The following BMAL1 variants were observed in gnomAD, a reference collection of about 807,000 sequenced individuals.
BMAL1 encodes basic helix-loop-helix ARNT like 1, also known as basic helix-loop-helix ARNT-like protein 1.
chr11:13,311,166 T>C, the BMAL1 span, among the ~76,000 whole-genome samples: 1 of 152,216 alleles, frequency 6.6e-6, no homozygotes, highest in Non-Finnish European at 1.5e-5. Flanking sequence ...AAGATAACAG[T>C]GGTTCATCCA....
chr11:13,294,673 G>A, the BMAL1 span, among the ~76,000 whole-genome samples: 1 of 152,116 alleles, frequency 6.6e-6, no homozygotes, highest in Non-Finnish European at 1.5e-5. Flanking sequence ...CTTTCCTCCT[G>A]GAATCTGACT....
At chr11:13,315,186 GA>G in the BMAL1 span, among the ~76,000 whole-genome samples, 1 of 152,206 alleles carries the variant, frequency 6.6e-6, no homozygotes, top group African/African-American at 2.4e-5. Context: ...TCCTGGGATG[GA>G]AATGCTTGTG....
the BMAL1 span, among the ~76,000 whole-genome samples, chr11:13,325,974 G>A: frequency 6.6e-6 from 1 of 152,028 alleles, no homozygotes; most frequent in Non-Finnish European, 1.5e-5. Flanking sequence ...GGAGGCTGAG[G>A]TGGGTGGATC....
At chr11:13,377,981 C>A in the BMAL1 span, among the ~76,000 whole-genome samples, 80 of 152,314 alleles carry the variant, frequency 5.3e-4, no homozygotes, top group Non-Finnish European at 1.0e-3. Flanking sequence ...TTGCTTTAGC[C>A]ATTGTTCATC....
At chr11:13,297,688 C>A in the BMAL1 span, among the ~76,000 whole-genome samples, 1 of 152,296 alleles carries the variant, frequency 6.6e-6, no homozygotes, top group Admixed American at 6.5e-5. Context: ...CTGCCAAGCT[C>A]CTGCTTCATG....
At chr11:13,323,689 T>A in the BMAL1 span, among the ~76,000 whole-genome samples, 1 of 152,196 alleles carries the variant, frequency 6.6e-6, no homozygotes, top group Non-Finnish European at 1.5e-5. Flanking sequence ...TCATCTTGGC[T>A]CACTGCAACC....
At chr11:13,360,330 CTT>C in the BMAL1 span, 1 of 1,605,328 alleles carries the variant, frequency 6.2e-7, no homozygotes, top group Non-Finnish European at 8.5e-7. Context: ...AATTCTTTCT[CTT>C]TTTGCCCCTA....
the BMAL1 span, among the ~76,000 whole-genome samples, chr11:13,359,602 CT>C: frequency 3.3e-5 from 5 of 152,116 alleles, 1 homozygote; most frequent in Non-Finnish European, 7.4e-5. Flanking sequence ...GTCCTGTCTC[CT>C]TCCCTCCCCA....
chr11:13,385,240 A>T, the BMAL1 span, among the ~76,000 whole-genome samples: 1 of 152,082 alleles, frequency 6.6e-6, no homozygotes, highest in Non-Finnish European at 1.5e-5. Flanking sequence ...AGTATAAGAG[A>T]TTTACTTCTG....
the BMAL1 span, among the ~76,000 whole-genome samples, chr11:13,364,865 T>A: frequency 6.6e-5 from 10 of 152,108 alleles, no homozygotes; most frequent in African/African-American, 2.4e-4. Context: ...GATGGAGGGA[T>A]AACATTTGAG....
chr11:13,278,644 G>T, the BMAL1 span, among the ~76,000 whole-genome samples: 2 of 152,298 alleles, frequency 1.3e-5, no homozygotes, highest in East Asian at 1.9e-4. Context: ...GGCCTGTGCC[G>T]TCCAGGTCCT....
At chr11:13,339,633 C>T in the BMAL1 span, among the ~76,000 whole-genome samples, 2 of 152,094 alleles carry the variant, frequency 1.3e-5, no homozygotes, top group Non-Finnish European at 1.5e-5. Flanking sequence ...TGCCCCAGGT[C>T]GCTGGTCCCC....
At chr11:13,337,769 C>G in the BMAL1 span, among the ~76,000 whole-genome samples, 1 of 152,130 alleles carries the variant, frequency 6.6e-6, no homozygotes, top group African/African-American at 2.4e-5. Context: ...TAGTTTTCCA[C>G]TGAGGTATTT....
the BMAL1 span, among the ~76,000 whole-genome samples, chr11:13,340,238 C>T: frequency 6.6e-6 from 1 of 152,184 alleles, no homozygotes; most frequent in East Asian, 1.9e-4. Flanking sequence ...AAGAGATGCC[C>T]CCAGCATCCT....
At chr11:13,344,804 G>C in the BMAL1 span, among the ~76,000 whole-genome samples, 1 of 152,162 alleles carries the variant, frequency 6.6e-6, no homozygotes, top group Non-Finnish European at 1.5e-5. Context: ...GAGCAATTCA[G>C]CATTCATTCC....
At chr11:13,279,199 A>G in the BMAL1 span, among the ~76,000 whole-genome samples, 7 of 152,296 alleles carry the variant, frequency 4.6e-5, no homozygotes, top group Admixed American at 4.6e-4. Flanking sequence ...AGGAATTATT[A>G]GCCAAGTTTT....
the BMAL1 span, among the ~76,000 whole-genome samples, chr11:13,323,486 G>GTTAC: frequency 0.35 from 37,750 of 108,858 alleles, 4,834 homozygotes; most frequent in East Asian, 0.46. Context: ...TCTTCCCCAT[G>GTTAC]TTATGAGGTC....
chr11:13,301,058 C>A, the BMAL1 span, among the ~76,000 whole-genome samples: 1 of 152,190 alleles, frequency 6.6e-6, no homozygotes, highest in Non-Finnish European at 1.5e-5. Flanking sequence ...CTACCTCTGC[C>A]TCCCGAGAGG....
At chr11:13,344,573 G>T in the BMAL1 span, among the ~76,000 whole-genome samples, 7 of 152,212 alleles carry the variant, frequency 4.6e-5, no homozygotes, top group African/African-American at 2.4e-5. Context: ...AATGCTTATT[G>T]AATGATCCTT....
Sources: allele counts gnomAD v4.1 joint callset (sites outside exome capture counted in the v4.1 genomes callset), GRCh38; gene constraint gnomAD v4.1.1; transcripts MANE v1.5; gene names NCBI Gene and HGNC (gene_info 2026-07-23, HGNC 2026-07-21).